Variants in MACIR observed in about 807,000 individuals in gnomAD.
MACIR encodes UNC119-binding protein C5orf30.
Under a neutral mutation model 14.3 loss-of-function variants are expected in MACIR, and 4 were observed. That is an observed-to-expected ratio of 0.28 (90% confidence interval 0.14 to 0.64). The LOEUF is 0.64. MACIR is among the 30% of genes least tolerant of loss of function. The pLI, the probability that MACIR is intolerant of heterozygous loss-of-function variation, is 0.83. For synonymous variants in MACIR, 101 were observed against 102.4 expected, an observed-to-expected ratio of 0.99 and a Z score of 0.08; for missense variants, 228 against 257.6, an observed-to-expected ratio of 0.89 and a Z score of 0.79.
At chr5:103,268,365 A>G (rs1554236882) in intron 2 of MACIR, among the ~76,000 whole-genome samples, 1 of 152,160 alleles carries the variant, frequency 6.6e-6, no homozygotes. Flanking sequence ...GCACAGATTT[A>G]TTTTTATTTT....
intron 1 of MACIR, among the ~76,000 whole-genome samples, chr5:103,263,907 T>C (rs999943725): frequency 1.1e-4 from 16 of 152,092 alleles, no homozygotes; most frequent in African/African-American, 3.4e-4. Context: ...AAATAGAAGC[T>C]CATAGGAGAA....
chr5:103,261,709 T>TTCTTTCTTTCTTTCTTTCTTC (rs1804731413), intron 1 of MACIR, among the ~76,000 whole-genome samples: 21 of 102,974 alleles, frequency 2.0e-4, no homozygotes, highest in Non-Finnish European at 4.4e-4. Flanking sequence ...TTTCTTCCTT[T>TTCTTTCTTTCTTTCTTTCTTC]CTTTCTTTCT....
intron 1 of MACIR, among the ~76,000 whole-genome samples, chr5:103,263,092 G>A (rs782112061): frequency 6.6e-6 from 1 of 152,220 alleles, no homozygotes; most frequent in East Asian, 1.9e-4. Flanking sequence ...CTGTAATTTT[G>A]TAGTAGATTT....
At chr5:103,268,704 G>T (rs1233860839) in intron 2 of MACIR, among the ~76,000 whole-genome samples, 4 of 152,184 alleles carry the variant, frequency 2.6e-5, no homozygotes, top group Non-Finnish European at 5.9e-5. Flanking sequence ...GACATCAGCA[G>T]TTTTTGAAGC....
At chr5:103,260,627 A>G (rs1804647054) in intron 1 of MACIR, among the ~76,000 whole-genome samples, 1 of 152,244 alleles carries the variant, frequency 6.6e-6, no homozygotes, top group Non-Finnish European at 1.5e-5. Context: ...ATTTCAGTGT[A>G]TAAGATATAT....
At position 103,278,317 on chromosome 5, in the gene MACIR, T is replaced by C. The variant is rs1160555769; in HGVS notation, c.*1777T>C. Reference sequence around the variant, plus strand: ...TAAACACCATTATTTATTGACAATTTACCCTGTGGAACTGTATTATTTCTA... The same window carrying C: ...TAAACACCATTATTTATTGACAATTCACCCTGTGGAACTGTATTATTTCTA... On this transcript the variant is annotated 3_prime_UTR_variant, in exon 3 of 3. Transcript: ENST00000319933. The C allele has an allele frequency of 6.0e-6, 1 of 166,776 alleles. No homozygotes were observed. Among genetic ancestry groups the C allele is most frequent in the Non-Finnish European group, 1.5e-5 (1 of 68,104 alleles). The allele number at this position is 166,776 out of a possible 1,614,324, so 10.3% of individuals were successfully genotyped here. A position where few individuals can be genotyped will look rare whatever the true frequency, so the allele number is the denominator to read the frequency against.
At chr5:103,275,061 C>T (rs1437899951) in intron 2 of MACIR, among the ~76,000 whole-genome samples, 1 of 152,028 alleles carries the variant, frequency 6.6e-6, no homozygotes, top group African/African-American at 2.4e-5. Flanking sequence ...AATTATTCTG[C>T]CATTTATGAA....
chr5:103,272,829 G>A (rs1317525906), intron 2 of MACIR, among the ~76,000 whole-genome samples: 3 of 152,128 alleles, frequency 2.0e-5, no homozygotes, highest in Non-Finnish European at 4.4e-5. Context: ...TGTACATGTG[G>A]CAGTATATTG....
At chr5:103,274,075 C>T (rs73194346) in intron 2 of MACIR, among the ~76,000 whole-genome samples, 2,630 of 152,240 alleles carry the variant, frequency 0.017, 64 homozygotes, top group African/African-American at 0.061. Context: ...AGAGAAACAG[C>T]TACTACCTGT....
At chr5:103,273,176 T>G (rs936780831) in intron 2 of MACIR, among the ~76,000 whole-genome samples, 24 of 152,338 alleles carry the variant, frequency 1.6e-4, no homozygotes, top group Admixed American at 2.6e-4. Flanking sequence ...GTGAATGTTT[T>G]GTCTACCTCA....
intron 2 of MACIR, among the ~76,000 whole-genome samples, chr5:103,269,900 T>C (rs366437): frequency 0.3 from 44,790 of 151,708 alleles, 6,602 homozygotes; most frequent in Non-Finnish European, 0.32. Flanking sequence ...ATGTTATCTT[T>C]CCTTTTTTGA....
At chr5:103,270,720 A>G (rs1231001987) in intron 2 of MACIR, among the ~76,000 whole-genome samples, 1 of 152,150 alleles carries the variant, frequency 6.6e-6, no homozygotes, top group East Asian at 1.9e-4. Context: ...AGCAAGTAGG[A>G]TGGTGCCCCA....
In MACIR at chr5:103,277,669, T is replaced by C. The variant is rs1247874256; in HGVS notation, c.*1129T>C. ...TTTATGTCAATTGCACTGGTTTAAT[T>C]TGTTGCTAAAGAAATAATGCCCTGG... On this transcript the variant is annotated 3_prime_UTR_variant, in exon 3 of 3. Transcript: ENST00000319933. The C allele has an allele frequency of 6.0e-6, 1 of 167,082 alleles. No homozygotes were observed. The highest frequency in any genetic ancestry group is 2.4e-5 in the African/African-American group (1 of 41,458). The allele number at this position is 167,082 out of a possible 1,614,324, so 10.3% of individuals were successfully genotyped here.
chr5:103,277,430 G>A lies in MACIR; in HGVS notation c.*890G>A, dbSNP rs1308941322. 1 of 167,000 alleles carries A rather than the reference G, an allele frequency of 6.0e-6. No homozygotes were observed. Among genetic ancestry groups the A allele is most frequent in the Non-Finnish European group, 1.5e-5 (1 of 68,086 alleles). 10.3% of individuals were successfully genotyped at this position (167,000 alleles called of 1,614,324 possible). On this transcript the variant is annotated 3_prime_UTR_variant, in exon 3 of 3. Coordinates refer to ENST00000319933, the MANE Select transcript of MACIR (RefSeq NM_033211.4). Reference sequence around the variant, plus strand: ...AATACTGTTTGCATCTGAATTTTCTGTAAGTGAATAATAGTTTAATAGAGG... The same window carrying A: ...AATACTGTTTGCATCTGAATTTTCTATAAGTGAATAATAGTTTAATAGAGG...
intron 1 of MACIR, among the ~76,000 whole-genome samples, chr5:103,261,692 T>TCC: frequency 5.3e-5 from 7 of 131,858 alleles, no homozygotes; most frequent in African/African-American, 2.1e-4. Context: ...CTTTCTTTCT[T>TCC]TCTTTCTTTC....
At chr5:103,263,268 A>G (rs1363765726) in intron 1 of MACIR, among the ~76,000 whole-genome samples, 2 of 119,290 alleles carry the variant, frequency 1.7e-5, no homozygotes, top group African/African-American at 3.4e-5. Flanking sequence ...CTCCTCCCAC[A>G]AAGCAGGAAG....
In MACIR at chr5:103,276,304, C is replaced by G. The variant is rs1554237711; in HGVS notation, c.385C>G (p.Arg129Gly). The change falls in exon 3 of 3, where the codon CGG (arginine) becomes GGG (glycine). Residue 129 changes from arginine to glycine, a missense_variant. By Grantham distance (125) the Arg-to-Gly change is moderately radical. Coordinates refer to ENST00000319933, the MANE Select transcript of MACIR (RefSeq NM_033211.4). ...IPAVNGRRRR[R>G]MPSSGDKCTK... ...AGCTGTCAATGGCAGGAGGCGAAGG[C>G]GGATGCCAAGCTCAGGAGACAAGTG... The G allele has an allele frequency of 6.2e-7, 1 of 1,612,518 alleles. No individual in the cohort carries two copies. Among genetic ancestry groups the G allele is most frequent in the Middle Eastern group, 1.6e-4 (1 of 6,062 alleles).
intron 1 of MACIR, among the ~76,000 whole-genome samples, chr5:103,261,221 G>A (rs1028479304): frequency 6.6e-6 from 1 of 152,192 alleles, no homozygotes; most frequent in Non-Finnish European, 1.5e-5. Context: ...TACAAAGTTG[G>A]CAAGGTTAAT....
chr5:103,259,820 G>A (rs948319707), intron 1 of MACIR: 1 of 152,302 alleles, frequency 6.6e-6, no homozygotes, highest in Admixed American at 6.5e-5. Context: ...GGGTTTCGAG[G>A]CGGGTGGCAG....
Sources: gnomAD v4.1 joint callset for allele counts (sites outside exome capture counted in the v4.1 genomes callset) on GRCh38, gnomAD v4.1.1 for gene constraint, MANE v1.5 for transcripts, NCBI Gene and HGNC (gene_info 2026-07-23, HGNC 2026-07-21) for gene names.